CHM: variants seen among roughly 807,000 people sequenced by gnomAD.
CHM encodes CHM Rab escort protein.
CHM carries 10 observed loss-of-function variants against 49.0 expected under a neutral mutation model. The ratio of observed to expected loss-of-function variants is 0.20; its 90% CI spans 0.13 to 0.35. The LOEUF (loss-of-function observed/expected upper bound fraction) is 0.35, where lower values mean the gene tolerates loss of function less well. Ranked by LOEUF, CHM falls within the 10% of genes least tolerant of loss-of-function variation. The probability of loss-of-function intolerance (pLI) is 1.00; values close to 1 mark genes in which losing one functional copy is unlikely to be tolerated. For missense variants in CHM, 455 were observed against 478.4 expected (o/e 0.95, Z 0.46); for synonymous variants, 184 against 167.5 (o/e 1.10, Z -0.76).
chrX:85,868,127 T>C (rs903798843), intron 14 of CHM, among the ~76,000 whole-genome samples: 7 of 110,680 alleles, frequency 6.3e-5, no homozygotes, highest in Non-Finnish European at 1.3e-4. Flanking sequence ...TATGACAAGA[T>C]AAATGAACCT....
intron 8 of CHM, among the ~76,000 whole-genome samples, chrX:85,926,801 TTTAATAATTAAAATTTAATTTAAAA>T (rs1928111052): frequency 9.0e-6 from 1 of 111,614 alleles, no homozygotes; most frequent in Non-Finnish European, 1.9e-5. Context: ...ATAGAGATTT[TTTAATAATTAAAATTTAATTTAAAA>T]TAAAAATATC....
chrX:86,045,915 GA>G (rs1362902703), intron 1 of CHM, among the ~76,000 whole-genome samples: 1 of 112,028 alleles, frequency 8.9e-6, no homozygotes, highest in African/African-American at 3.2e-5. Flanking sequence ...AGACTTAAAA[GA>G]AAAAATGAAT....
At chrX:85,888,348 T>G (rs1925227755) in intron 12 of CHM, among the ~76,000 whole-genome samples, 1 of 112,197 alleles carries the variant, frequency 8.9e-6, no homozygotes, top group South Asian at 3.7e-4. Context: ...GCAAAAGAGT[T>G]TTGATAAGAT....
intron 1 of CHM, among the ~76,000 whole-genome samples, chrX:86,028,613 A>T (rs913141259): frequency 7.1e-5 from 8 of 112,164 alleles, no homozygotes; most frequent in African/African-American, 2.6e-4. Flanking sequence ...ATTGCCAAAG[A>T]TAATGATGTT....
chrX:86,000,543 A>G (rs1932663743), intron 2 of CHM, among the ~76,000 whole-genome samples: 1 of 107,870 alleles, frequency 9.3e-6, no homozygotes, highest in African/African-American at 3.4e-5. Flanking sequence ...AGAGGAAATC[A>G]GTATATCAAA....
intron 2 of CHM, among the ~76,000 whole-genome samples, chrX:85,982,241 A>AC (rs1447982368): frequency 1.4e-4 from 15 of 109,219 alleles, no homozygotes; most frequent in African/African-American, 5.0e-4. Flanking sequence ...CTCCACCACC[A>AC]CCTCCGCCAC....
intron 8 of CHM, among the ~76,000 whole-genome samples, chrX:85,912,189 G>C (rs1927070663): frequency 9.0e-6 from 1 of 111,076 alleles, no homozygotes; most frequent in East Asian, 2.8e-4. Context: ...TATGATACAA[G>C]AAACTCTTAG....
intron 12 of CHM, among the ~76,000 whole-genome samples, chrX:85,890,380 C>T (rs1925362636): frequency 9.0e-6 from 1 of 111,701 alleles, no homozygotes; most frequent in Non-Finnish European, 1.9e-5. Flanking sequence ...GCACAAATCA[C>T]TATATGATAT....
At chrX:85,866,123 T>C (rs1923674590) in intron 14 of CHM, among the ~76,000 whole-genome samples, 1 of 112,390 alleles carries the variant, frequency 8.9e-6, no homozygotes, top group African/African-American at 3.2e-5. Flanking sequence ...GACAAGACAA[T>C]GGGGAAAATG....
chrX:85,899,429 C>T (rs1279414946), intron 11 of CHM, among the ~76,000 whole-genome samples: 1 of 110,817 alleles, frequency 9.0e-6, no homozygotes, highest in Non-Finnish European at 1.9e-5. Context: ...TCTGGGGATT[C>T]TCTTTTTCTC....
At chrX:85,922,655 T>G (rs1430771329) in intron 8 of CHM, among the ~76,000 whole-genome samples, 1 of 112,190 alleles carries the variant, frequency 8.9e-6, no homozygotes, top group Non-Finnish European at 1.9e-5. Context: ...AGTTGAGGAG[T>G]GTACTGAATG....
intron 8 of CHM, among the ~76,000 whole-genome samples, chrX:85,935,381 T>C (rs1928721195): frequency 9.0e-6 from 1 of 111,477 alleles, no homozygotes; most frequent in Non-Finnish European, 1.9e-5. Context: ...GAGATAAATA[T>C]CTAAACCATG....
At chrX:86,009,888 T>G (rs1320411453) in intron 2 of CHM, among the ~76,000 whole-genome samples, 1 of 110,484 alleles carries the variant, frequency 9.1e-6, no homozygotes, top group Non-Finnish European at 1.9e-5. Flanking sequence ...CTGGACCAGA[T>G]CCTGGAACAG....
intron 2 of CHM, among the ~76,000 whole-genome samples, chrX:86,014,677 C>T (rs1276666889): frequency 8.9e-6 from 1 of 112,151 alleles, no homozygotes; most frequent in Non-Finnish European, 1.9e-5. Context: ...AACAAGTATG[C>T]TTTACATGTT....
At chrX:85,998,146 A>AG (rs887173026) in intron 2 of CHM, among the ~76,000 whole-genome samples, 12 of 111,777 alleles carry the variant, frequency 1.1e-4, no homozygotes, top group African/African-American at 3.3e-4. Context: ...TTTGTAAAAA[A>AG]AAAATTAATT....
intron 2 of CHM, among the ~76,000 whole-genome samples, chrX:86,019,205 T>C (rs1933436558): frequency 9.0e-6 from 1 of 111,502 alleles, no homozygotes; most frequent in Non-Finnish European, 1.9e-5. Flanking sequence ...AATTTAAAAA[T>C]ATATTTCGAA....
intron 2 of CHM, among the ~76,000 whole-genome samples, chrX:86,020,288 G>A (rs1429224344): frequency 1.8e-5 from 2 of 110,888 alleles, no homozygotes; most frequent in Admixed American, 9.7e-5. Flanking sequence ...AATTAGTCAC[G>A]CCTTTAATCT....
At chrX:85,918,075 A>T (rs1927561278) in intron 8 of CHM, among the ~76,000 whole-genome samples, 1 of 111,293 alleles carries the variant, frequency 9.0e-6, no homozygotes, top group Admixed American at 9.6e-5. Context: ...CCCCTGTGAG[A>T]TAGTATGCAA....
intron 8 of CHM, among the ~76,000 whole-genome samples, chrX:85,943,003 A>G (rs1179497285): frequency 3.0e-5 from 3 of 101,582 alleles, no homozygotes; most frequent in African/African-American, 1.1e-4. Flanking sequence ...GAGTGAGAAC[A>G]TGCAGTGTTT....
Sources: gnomAD v4.1 joint callset for allele counts (sites outside exome capture counted in the v4.1 genomes callset) on GRCh38, gnomAD v4.1.1 for gene constraint, MANE v1.5 for transcripts, NCBI Gene and HGNC (gene_info 2026-07-23, HGNC 2026-07-21) for gene names.